The following PCDH15 variants were observed in gnomAD, a reference collection of about 807,000 sequenced individuals.
The protein encoded by PCDH15 is protocadherin related 15, also known as protocadherin-15.
PCDH15 carries 129 observed loss-of-function variants against 178.5 expected under a neutral mutation model. The observed-to-expected ratio is 0.72, with a 90% CI of 0.63 to 0.84. PCDH15 has a LOEUF of 0.84. Among genes scored for constraint, PCDH15 ranks in the 40% least tolerant of loss-of-function variants. The probability of loss-of-function intolerance (pLI) is 0.00; values close to 1 mark genes in which losing one functional copy is unlikely to be tolerated. For missense variants in PCDH15, 2,230 were observed against 2,099.9 expected, an observed-to-expected ratio of 1.06 and a Z score of -1.21; for synonymous variants, 800 against 732.0, an observed-to-expected ratio of 1.09 and a Z score of -1.50.
At chr10:54,984,997 C>T (rs1170298328) in intron 2 of PCDH15, among the ~76,000 whole-genome samples, 1 of 152,086 alleles carries the variant, frequency 6.6e-6, no homozygotes, top group Non-Finnish European at 1.5e-5. Flanking sequence ...TTAGCCATGA[C>T]CCTTATGATG....
intron 1 of PCDH15, among the ~76,000 whole-genome samples, chr10:55,252,678 G>A (rs997956196): frequency 2.0e-5 from 3 of 152,030 alleles, no homozygotes; most frequent in African/African-American, 4.8e-5. Context: ...AGGGCCAAGG[G>A]GGGTAAAGTG....
intron 3 of PCDH15, among the ~76,000 whole-genome samples, chr10:54,853,620 A>T (rs1953684066): frequency 6.7e-6 from 1 of 150,228 alleles, no homozygotes; most frequent in African/African-American, 2.4e-5. Context: ...TCCTAAAATT[A>T]AAAAAGCTCT....
chr10:54,310,584 A>G (rs1293998238), intron 8 of PCDH15, among the ~76,000 whole-genome samples: 1 of 152,070 alleles, frequency 6.6e-6, no homozygotes, highest in African/African-American at 2.4e-5. Flanking sequence ...GGCATCTGCC[A>G]GAAACACAGT....
intron 25 of PCDH15, among the ~76,000 whole-genome samples, chr10:53,928,667 T>C (rs1052432516): frequency 6.6e-6 from 1 of 152,064 alleles, no homozygotes; most frequent in Non-Finnish European, 1.5e-5. Flanking sequence ...TTGCATTTAA[T>C]AGGGCTTAGT....
chr10:53,813,787 T>TATCA (rs2075964176), intron 35 of PCDH15, among the ~76,000 whole-genome samples: 1 of 152,314 alleles, frequency 6.6e-6, no homozygotes, highest in South Asian at 2.1e-4. Flanking sequence ...AAATATATTA[T>TATCA]ATCATTCTAT....
At chr10:55,425,795 A>C (rs1208579188) in intron 2 of PCDH15, among the ~76,000 whole-genome samples, 2 of 152,184 alleles carry the variant, frequency 1.3e-5, no homozygotes, top group Admixed American at 6.5e-5. Flanking sequence ...TATGCTGTGA[A>C]ATGTCAAATT....
At chr10:54,671,461 C>T (rs953417944) in intron 1 of PCDH15, among the ~76,000 whole-genome samples, 1 of 152,102 alleles carries the variant, frequency 6.6e-6, no homozygotes. Context: ...AGTCCTGGCT[C>T]TGGCATGAGA....
intron 3 of PCDH15, among the ~76,000 whole-genome samples, chr10:54,862,929 CAG>C (rs1953870879): frequency 6.6e-6 from 1 of 152,092 alleles, no homozygotes; most frequent in African/African-American, 2.4e-5. Context: ...ACAAAATTAA[CAG>C]AGACATCAGC....
chr10:55,538,594 C>T (rs1322358322), intron 2 of PCDH15, among the ~76,000 whole-genome samples: 1 of 79,108 alleles, frequency 1.3e-5, no homozygotes, highest in Non-Finnish European at 2.3e-5. Flanking sequence ...TCCTTCCTTC[C>T]TTCCTTCCTT....
chr10:55,008,052 A>G (rs1245400258), intron 2 of PCDH15, among the ~76,000 whole-genome samples: 1 of 152,162 alleles, frequency 6.6e-6, no homozygotes, highest in African/African-American at 2.4e-5. Context: ...ATTTCTTAAT[A>G]TTAGTAAAAC....
At chr10:54,367,339 G>T (rs910216138) in intron 5 of PCDH15, among the ~76,000 whole-genome samples, 2 of 151,502 alleles carry the variant, frequency 1.3e-5, no homozygotes, top group Non-Finnish European at 2.9e-5. Context: ...GAAAAGTAGA[G>T]TTGCATGATT....
intron 1 of PCDH15, among the ~76,000 whole-genome samples, chr10:54,772,935 T>TA (rs2133287447): frequency 6.6e-6 from 1 of 152,230 alleles, no homozygotes; most frequent in Non-Finnish European, 1.5e-5. Context: ...CTATGCAGCA[T>TA]AAAAAGGAAT....
chr10:55,032,320 C>T (rs4421665), intron 2 of PCDH15, among the ~76,000 whole-genome samples: 86,510 of 152,060 alleles, frequency 0.57, 24,945 homozygotes, highest in East Asian at 0.75. Context: ...AATGACTAAT[C>T]AGGATATCTG....
intron 2 of PCDH15, among the ~76,000 whole-genome samples, chr10:55,121,509 T>G (rs573673023): frequency 6.6e-6 from 1 of 152,042 alleles, no homozygotes; most frequent in African/African-American, 2.4e-5. Context: ...ATTTTGTATA[T>G]AAGAAGGATA....
intron 13 of PCDH15, among the ~76,000 whole-genome samples, chr10:54,177,100 A>C (rs2133715990): frequency 1.3e-5 from 2 of 152,304 alleles, no homozygotes; most frequent in Middle Eastern, 6.8e-3. Context: ...CAGCCCTGAA[A>C]AGATATGGGC....
chr10:54,603,390 T>C (rs906161928), intron 2 of PCDH15, among the ~76,000 whole-genome samples: 1 of 151,988 alleles, frequency 6.6e-6, no homozygotes, highest in African/African-American at 2.4e-5. Context: ...TTTTTTGCCT[T>C]AATTAGCATT....
chr10:55,005,981 A>G (rs1363614556), intron 2 of PCDH15, among the ~76,000 whole-genome samples: 2 of 151,844 alleles, frequency 1.3e-5, no homozygotes, highest in Non-Finnish European at 2.9e-5. Flanking sequence ...ATATTTATGT[A>G]TATTTATATA....
intron 2 of PCDH15, among the ~76,000 whole-genome samples, chr10:54,533,166 G>A (rs2084110361): frequency 6.6e-6 from 1 of 152,118 alleles, no homozygotes; most frequent in African/African-American, 2.4e-5. Context: ...TGATGTTTTT[G>A]TAACCATAAC....
intron 2 of PCDH15, among the ~76,000 whole-genome samples, chr10:55,103,841 T>C (rs1479164087): frequency 2.0e-5 from 3 of 152,126 alleles, no homozygotes; most frequent in African/African-American, 7.2e-5. Context: ...GCCAGGGGTA[T>C]TGTCCAATAT....
Sources: gnomAD v4.1 joint callset for allele counts (sites outside exome capture counted in the v4.1 genomes callset) on GRCh38, gnomAD v4.1.1 for gene constraint, MANE v1.5 for transcripts, NCBI Gene and HGNC (gene_info 2026-07-23, HGNC 2026-07-21) for gene names.